SLC38A9: variants seen among roughly 807,000 people sequenced by gnomAD.
SLC38A9 encodes solute carrier family 38 member 9.
SLC38A9 carries 48 observed loss-of-function variants against 62.3 expected under a neutral mutation model. The observed-to-expected ratio is 0.77, with a 90% CI of 0.61 to 0.98. The LOEUF (loss-of-function observed/expected upper bound fraction) is 0.98. Among genes scored for constraint, SLC38A9 ranks in the 50% least tolerant of loss-of-function variants. The pLI, the probability that SLC38A9 is intolerant of heterozygous loss-of-function variation, is 0.00. For synonymous variants in SLC38A9, 204 were observed against 227.7 expected, an observed-to-expected ratio of 0.90 and a Z score of 0.94; for missense variants, 541 against 679.8, an observed-to-expected ratio of 0.80 and a Z score of 2.27.
rs548356368 is a variant in SLC38A9 at position 55,687,337 on chromosome 5, G to C, written c.113+10509C>G. 2.1e-5 allele frequency among the ~76,000 whole-genome samples: 3 copies of C among 143,244 alleles called. No individual in the cohort carries two copies. The South Asian group carries it at 6.6e-4, about 32-fold the overall frequency. The allele number at this position is 143,244 out of a possible 152,430, so 94.0% of individuals were successfully genotyped here. A position where few individuals can be genotyped will look rare whatever the true frequency, so the allele number is the denominator to read the frequency against. ...AGCTACTCGGGAGGCTGAGGCAGGAGAATGGCGTGAACCCGGAAGGCGGAG... is the reference window on the plus strand; with the variant it reads ...AGCTACTCGGGAGGCTGAGGCAGGACAATGGCGTGAACCCGGAAGGCGGAG... On this transcript the variant is annotated intron_variant, in intron 3 of 15. Transcript: ENST00000396865.
intron 8 of SLC38A9, among the ~76,000 whole-genome samples, chr5:55,659,153 C>G (rs114020866): frequency 0.011 from 1,603 of 151,722 alleles, 25 homozygotes; most frequent in African/African-American, 0.037. Context: ...TGATATCCCA[C>G]AATAAACATA....
At chr5:55,631,820 C>A (rs1325601267) in intron 14 of SLC38A9, among the ~76,000 whole-genome samples, 1 of 151,572 alleles carries the variant, frequency 6.6e-6, no homozygotes, top group African/African-American at 2.4e-5. Context: ...AGAACATATG[C>A]CTAATAAAAG....
intron 3 of SLC38A9, among the ~76,000 whole-genome samples, chr5:55,677,776 G>T (rs539879380): frequency 4.0e-5 from 6 of 150,784 alleles, no homozygotes; most frequent in Non-Finnish European, 8.9e-5. Flanking sequence ...TGATCCTCCT[G>T]CCTCTGTCTC....
chr5:55,664,856 C>T lies in SLC38A9; in HGVS notation c.534G>A (p.Leu178=). The part of the protein sequence containing the change: ...VVKSRTMMFS[L]DTTSWEYPDV... ...CTGGATATTCCCAGCTAGTGGTATC[C>T]AACGAAACTAGATAAAATAAGAGAA... Residue 178 remains leucine, a synonymous_variant, in exon 8 of 16, where the codon TTG becomes TTA. Coordinates refer to ENST00000396865, the MANE Select transcript of SLC38A9 (RefSeq NM_173514.4). The T allele has an allele frequency of 4.6e-6, 7 of 1,533,638 alleles. No homozygotes were observed. Among genetic ancestry groups the T allele is most frequent in the Non-Finnish European group, 6.1e-6 (7 of 1,142,408 alleles).
intron 2 of SLC38A9, chr5:55,704,165 C>A (rs1481038640): frequency 1.3e-5 from 2 of 151,964 alleles, no homozygotes; most frequent in Non-Finnish European, 2.9e-5. Context: ...GAGACCTTGT[C>A]TCAAAAAATA....
intron 3 of SLC38A9, among the ~76,000 whole-genome samples, chr5:55,673,716 T>TC (rs1751684932): frequency 6.7e-6 from 1 of 150,174 alleles, no homozygotes; most frequent in East Asian, 1.9e-4. Flanking sequence ...AATCTTTTTT[T>TC]TTTTTTTTTT....
chr5:55,683,346 C>T (rs76178234), intron 3 of SLC38A9, among the ~76,000 whole-genome samples: 4,380 of 152,164 alleles, frequency 0.029, 82 homozygotes, highest in Non-Finnish European at 0.043. Context: ...CCTTAGCCTC[C>T]TGAGTAGCTG....
intron 2 of SLC38A9, among the ~76,000 whole-genome samples, chr5:55,703,204 A>T (rs941499612): frequency 1.2e-4 from 3 of 25,280 alleles, no homozygotes; most frequent in Non-Finnish European, 4.0e-4. Flanking sequence ...AATAAAGTTA[A>T]AAAAAAAATC....
At chr5:55,687,761 T>C (rs1754126908) in intron 3 of SLC38A9, among the ~76,000 whole-genome samples, 1 of 151,952 alleles carries the variant, frequency 6.6e-6, no homozygotes, top group Admixed American at 6.6e-5. Flanking sequence ...TGCAGTGGCG[T>C]GATCTCAGCT....
chr5:55,706,706 T>C (rs538643271), intron 2 of SLC38A9, among the ~76,000 whole-genome samples: 39 of 152,324 alleles, frequency 2.6e-4, no homozygotes, highest in South Asian at 1.0e-3. Context: ...CAAGTAAATA[T>C]GAAGAACTGT....
At chr5:55,631,394 C>T (rs1264202727) in intron 14 of SLC38A9, among the ~76,000 whole-genome samples, 1 of 151,300 alleles carries the variant, frequency 6.6e-6, no homozygotes. Flanking sequence ...TGACTTTTTC[C>T]AAGAAGAAAA....
In SLC38A9 at chr5:55,652,489, C is replaced by T. The variant is rs1384337698; in HGVS notation, c.952+40G>A. 5 of 1,321,358 alleles carry T rather than the reference C, an allele frequency of 3.8e-6. No homozygotes were observed. In the Admixed American group the frequency reaches 8.9e-5, roughly 24 times the overall value. 81.9% of individuals were successfully genotyped at this position (1,321,358 alleles called of 1,614,324 possible). ...ATTTCCCTAGACTCCACCACGTATT[C>T]TATTACACAAAGTCTCCATAATTCA... On this transcript the variant is annotated intron_variant, in intron 10 of 15. Transcript: ENST00000396865.
chr5:55,662,687 C>CAAAA (rs200454419), intron 8 of SLC38A9, among the ~76,000 whole-genome samples: 1,578 of 141,076 alleles, frequency 0.011, 11 homozygotes, highest in Middle Eastern at 0.015. Flanking sequence ...AAAAAAAAAC[C>CAAAA]AAAAAAAAAA....
At chr5:55,653,685 GT>G (rs1320402911) in intron 9 of SLC38A9, among the ~76,000 whole-genome samples, 1 of 151,504 alleles carries the variant, frequency 6.6e-6, no homozygotes, top group Non-Finnish European at 1.5e-5. Flanking sequence ...TTGAGATGGA[GT>G]CTCGCTCTGT....
At chr5:55,645,586 T>C (rs1298365523) in intron 12 of SLC38A9, among the ~76,000 whole-genome samples, 1 of 152,232 alleles carries the variant, frequency 6.6e-6, no homozygotes, top group Non-Finnish European at 1.5e-5. Flanking sequence ...ACAAAAACCA[T>C]AAGGCCTACA....
At chr5:55,627,716 G>C (rs529103125) in intron 15 of SLC38A9, among the ~76,000 whole-genome samples, 175 bp downstream of exon 15, 1 of 152,116 alleles carries the variant, frequency 6.6e-6, no homozygotes, top group Non-Finnish European at 1.5e-5. Context: ...AGAACAAACA[G>C]AAAGGGAAGA....
intron 9 of SLC38A9, 38 bp from the exon 10 acceptor site, chr5:55,652,761 AAAACAAAAC>A (rs769371996): frequency 6.5e-5 from 93 of 1,428,766 alleles, no homozygotes; most frequent in South Asian, 8.3e-5. Flanking sequence ...AAGATGACAA[AAAACAAAAC>A]AAAACAAAAC....
At chr5:55,684,520 CTAGGCTG>C (rs994850196) in intron 3 of SLC38A9, among the ~76,000 whole-genome samples, 1 of 152,202 alleles carries the variant, frequency 6.6e-6, no homozygotes, top group Admixed American at 6.5e-5. Flanking sequence ...ATTCACATTT[CTAGGCTG>C]TAGCCCTTTG....
intron 3 of SLC38A9, among the ~76,000 whole-genome samples, chr5:55,673,943 C>T (rs1477098726): frequency 6.6e-6 from 1 of 152,142 alleles, no homozygotes; most frequent in Non-Finnish European, 1.5e-5. Flanking sequence ...AACTCCTGAC[C>T]TCAGGTGATC....
Sources: allele counts gnomAD v4.1 joint callset (sites outside exome capture counted in the v4.1 genomes callset), GRCh38; gene constraint gnomAD v4.1.1; transcripts MANE v1.5; gene names NCBI Gene and HGNC (gene_info 2026-07-23, HGNC 2026-07-21).